Variants in ZNF346 observed in about 807,000 individuals in gnomAD.
ZNF346 encodes double-stranded RNA-binding zinc finger protein JAZ.
Under a neutral mutation model 33.7 loss-of-function variants are expected in ZNF346, and 23 were observed. That is an observed-to-expected ratio of 0.68 (90% CI 0.49 to 0.97). The LOEUF is 0.97. Among genes scored for constraint, ZNF346 ranks in the 50% least tolerant of loss-of-function variants. The pLI is 0.00. For missense variants in ZNF346, 340 were observed against 371.1 expected, an observed-to-expected ratio of 0.92 and a Z score of 0.69; for synonymous variants, 134 against 142.4, an observed-to-expected ratio of 0.94 and a Z score of 0.42.
chr5:177,037,154 C>G (rs1483880493), intron 1 of ZNF346, among the ~76,000 whole-genome samples: 1 of 152,106 alleles, frequency 6.6e-6, no homozygotes, highest in Non-Finnish European at 1.5e-5. Flanking sequence ...CAGGAGATCT[C>G]CTCACTCTGC....
Position 177,041,794 on chromosome 5 carries a change from A to G in ZNF346, c.296A>G (p.Asn99Ser), listed in dbSNP as rs1427157514. 3 of 1,613,500 alleles carry G rather than the reference A, an allele frequency of 1.9e-6. No individual in the cohort carries two copies. Among genetic ancestry groups the G allele is most frequent in the South Asian group, 1.1e-5 (1 of 91,040 alleles). The change falls in exon 3 of 7, where the codon AAC becomes AGC. Residue 99 changes from asparagine to serine, a missense_variant. Asn to Ser is a conservative substitution (Grantham distance 46). Coordinates refer to ENST00000358149, the MANE Select transcript of ZNF346 (RefSeq NM_012279.4). ...LAHYQSKKHA[N>S]KVKRYLAIHG... ...TTTTTGCAGAGCAAAAAACATGCCA[A>G]CAAAGTGAAGAGATACCTAGCAATC...
intron 5 of ZNF346, among the ~76,000 whole-genome samples, chr5:177,052,150 G>A (rs1029700003): frequency 7.9e-5 from 12 of 151,658 alleles, no homozygotes; most frequent in African/African-American, 2.4e-4. Flanking sequence ...GAGTGAGAGC[G>A]AGAACATGTA....
intron 1 of ZNF346, among the ~76,000 whole-genome samples, chr5:177,034,612 C>T (rs1165075462): frequency 6.6e-6 from 1 of 152,184 alleles, no homozygotes; most frequent in African/African-American, 2.4e-5. Context: ...GAAAAGCAGC[C>T]CTGTGCTTCA....
In ZNF346 at chr5:177,053,337, A is replaced by AC. The variant is rs1192768328; in HGVS notation, c.703+2401_703+2402insC. On this transcript the variant is annotated intron_variant, in intron 5 of 6. Coordinates refer to ENST00000358149, the MANE Select transcript of ZNF346 (RefSeq NM_012279.4). ...CATCTCAAAAAAAAAAAAAAAAAAA[A>AC]ACAGGGTCTCTGTATGTTGCCTAAG... 5.3e-4 allele frequency among the ~76,000 whole-genome samples: 80 copies of AC among 151,464 alleles called. 1 individual carries two copies. The highest frequency in any genetic ancestry group is 1.8e-3 in the African/African-American group (75 of 41,254).
chr5:177,038,551 C>T (rs1179424474), intron 1 of ZNF346, among the ~76,000 whole-genome samples: 1 of 151,678 alleles, frequency 6.6e-6, no homozygotes, highest in East Asian at 2.0e-4. Flanking sequence ...GGTATGGCCC[C>T]CAGCACTAAG....
intron 1 of ZNF346, among the ~76,000 whole-genome samples, chr5:177,033,431 C>T (rs938794520): frequency 2.6e-5 from 4 of 152,202 alleles, no homozygotes; most frequent in Non-Finnish European, 4.4e-5. Context: ...AAACCCTTTG[C>T]CTCCTAATAA....
intron 3 of ZNF346, 30 bp from the exon 4 acceptor site, chr5:177,044,359 G>A: frequency 6.2e-7 from 1 of 1,613,516 alleles, no homozygotes; most frequent in Non-Finnish European, 8.5e-7. Context: ...GCAGTGGTAT[G>A]ATCAGACCTG....
intron 1 of ZNF346, among the ~76,000 whole-genome samples, chr5:177,034,327 G>A (rs933315358): frequency 1.3e-5 from 2 of 151,414 alleles, no homozygotes; most frequent in Admixed American, 6.6e-5. Flanking sequence ...AAGTTCAAAC[G>A]ATCCTCCCAC....
At chr5:177,050,301 C>G (rs1342848330) in intron 4 of ZNF346, among the ~76,000 whole-genome samples, 1 of 152,216 alleles carries the variant, frequency 6.6e-6, no homozygotes, top group Non-Finnish European at 1.5e-5. Context: ...AACTGTATTA[C>G]TTTAAGGATG....
chr5:177,026,206 CG>C (rs1776743427), intron 1 of ZNF346, among the ~76,000 whole-genome samples: 1 of 151,588 alleles, frequency 6.6e-6, no homozygotes. Flanking sequence ...GGTTTCACCA[CG>C]TTGGCCAGGC....
At chr5:177,056,075 C>CAAAAAA (rs386405776) in intron 5 of ZNF346, among the ~76,000 whole-genome samples, 1 of 97,084 alleles carries the variant, frequency 1.0e-5, no homozygotes, top group Non-Finnish European at 2.0e-5. Flanking sequence ...GACTCCGTCT[C>CAAAAAA]AAAAAAAAAA....
exon 9 of ZNF346, chr5:177,080,565 C>T (rs1783937225): frequency 6.6e-6 from 1 of 152,318 alleles, no homozygotes; most frequent in East Asian, 1.9e-4. Context: ...TAATCCCAGC[C>T]CTTTGGGAGA....
At position 177,050,733 on chromosome 5, in the gene ZNF346, T is replaced by A; in HGVS notation, c.518-18T>A. The A allele has an allele frequency of 6.2e-7, 1 of 1,614,180 alleles. No individual in the cohort carries two copies. Among genetic ancestry groups the A allele is most frequent in the South Asian group, 1.1e-5 (1 of 91,090 alleles). On this transcript the variant is annotated intron_variant, in intron 4 of 6. Coordinates refer to ENST00000358149, the MANE Select transcript of ZNF346 (RefSeq NM_012279.4). ...TCAAAACGCCTTACAAATCCTTTCCTTGTGGCCTCCACCTTAGCCTTGCAC... is the reference window on the plus strand; with the variant it reads ...TCAAAACGCCTTACAAATCCTTTCCATGTGGCCTCCACCTTAGCCTTGCAC...
At position 177,022,777 on chromosome 5, in the gene ZNF346, C is replaced by A. The variant is rs547552306; in HGVS notation, c.39C>A (p.Asp13Glu). ...CGCCGGCCACGGTGCAGGCCGCGGA[C>A]GGCGGAGCGGCCGGGCCTTACAGCA... ...YPAPATVQAADGGAAGPYSSS... is the reference protein window; with the variant it reads ...YPAPATVQAAEGGAAGPYSSS... The change falls in exon 1 of 7, where the codon GAC (aspartate) becomes GAA (glutamate). Residue 13 changes from aspartate (D) to glutamate (E), a missense_variant. Asp to Glu is a conservative substitution (Grantham distance 45). Coordinates refer to ENST00000358149, the MANE Select transcript of ZNF346 (RefSeq NM_012279.4). 15 of 1,552,156 alleles carry A rather than the reference C, an allele frequency of 9.7e-6. No individual in the cohort carries two copies. In the Admixed American group the frequency reaches 1.4e-4, roughly 14 times the overall value.
rs869038323 is a variant in ZNF346 at position 177,066,742 on chromosome 5, TAA to T, written c.*2157_*2158del. 3.0e-5 allele frequency among the ~76,000 whole-genome samples: 4 copies of T among 132,964 alleles called. No individual in the cohort carries two copies. Among genetic ancestry groups the T allele is most frequent in the Admixed American group, 7.5e-5 (1 of 13,286 alleles). 87.2% of individuals were successfully genotyped at this position (132,964 alleles called of 152,430 possible). A position where few individuals can be genotyped will look rare whatever the true frequency, so the allele number is the denominator to read the frequency against. On this transcript the variant is annotated 3_prime_UTR_variant, in exon 7 of 7. Coordinates refer to ENST00000358149, the MANE Select transcript of ZNF346 (RefSeq NM_012279.4). ...CAGGGCAACATAACAAGACTCTATCTAAAAAAAAAAAAAAATTATAAAAATAA... is the reference window on the plus strand; with the variant it reads ...CAGGGCAACATAACAAGACTCTATCTAAAAAAAAAAAAATTATAAAAATAA...
chr5:177,057,758 T>G (rs957041208), intron 5 of ZNF346, among the ~76,000 whole-genome samples: 1 of 150,402 alleles, frequency 6.6e-6, no homozygotes, highest in Non-Finnish European at 1.5e-5. Context: ...AAAAGAAAAA[T>G]CAGGTGTTCT....
intron 5 of ZNF346, among the ~76,000 whole-genome samples, chr5:177,056,654 C>T (rs1226655052): frequency 1.3e-5 from 2 of 151,920 alleles, no homozygotes; most frequent in Non-Finnish European, 2.9e-5. Context: ...TCTGAGCAAA[C>T]TATCACAAGG....
chr5:177,057,556 CA>C lies in ZNF346; in HGVS notation c.704-4498del, dbSNP rs1187669572. On this transcript the variant is annotated intron_variant, in intron 5 of 6. Transcript: ENST00000358149. Reference sequence around the variant, plus strand: ...GTTCAACACCAGCCTGGTCAACATGCAAAACCCTGTCTCTACTAAAAATACA... The same window carrying C: ...GTTCAACACCAGCCTGGTCAACATGCAAACCCTGTCTCTACTAAAAATACA... Among the ~76,000 whole-genome samples the C allele has an allele frequency of 2.0e-5, 3 of 151,740 alleles. No individual in the cohort carries two copies. The East Asian group carries it at 5.8e-4, about 30-fold the overall frequency.
chr5:177,022,762 G>A lies in ZNF346; in HGVS notation c.24G>A (p.Thr8=). 1.3e-6 allele frequency: 2 copies of A among 1,556,928 alleles called. No homozygotes were observed. The highest frequency in any genetic ancestry group is 1.9e-5 in the Admixed American group (1 of 52,218). The change falls in exon 1 of 7, where the codon ACG becomes ACA. Residue 8 remains threonine (T), a synonymous_variant. Coordinates refer to ENST00000358149, the MANE Select transcript of ZNF346 (RefSeq NM_012279.4). ...AGATGGAGTATCCCGCGCCGGCCAC[G>A]GTGCAGGCCGCGGACGGCGGAGCGG... MEYPAPA[T]VQAADGGAAG...
Sources: gnomAD v4.1 joint callset for allele counts (sites outside exome capture counted in the v4.1 genomes callset) on GRCh38, gnomAD v4.1.1 for gene constraint, MANE v1.5 for transcripts, NCBI Gene and HGNC (gene_info 2026-07-23, HGNC 2026-07-21) for gene names.